The following IFNK variants were observed in gnomAD, a reference collection of about 807,000 sequenced individuals.
IFNK encodes interferon kappa.
In IFNK, 13 loss-of-function variants were observed where a neutral mutation model predicts 12.0. That is an observed-to-expected ratio of 1.08 (90% CI 0.70 to 1.72). The LOEUF is 1.72. IFNK is among the 40% of genes most tolerant of loss of function. IFNK has a pLI of 0.00. For synonymous variants in IFNK, 94 were observed against 82.3 expected (o/e 1.14, Z -0.77); for missense variants, 248 against 237.0 (o/e 1.05, Z -0.30).
In IFNK at chr9:27,524,932, A is replaced by C; in HGVS notation, c.596A>C (p.Lys199Thr). 6.2e-7 allele frequency: 1 copy of C among 1,605,366 alleles called. No homozygotes were observed. Among genetic ancestry groups the C allele is most frequent in the Non-Finnish European group, 8.5e-7 (1 of 1,177,496 alleles). The change falls in exon 1 of 2, where the codon AAA becomes ACA. Residue 199 changes from lysine to threonine, a missense_variant. Lys to Thr is a moderately conservative substitution (Grantham distance 78). Transcript: ENST00000276943. ...EIRRCLYYFYKFTALFRRK is the reference protein window; with the variant it reads ...EIRRCLYYFYTFTALFRRK ...AGAAGATGTTTGTATTACTTTTACA[A>C]ATTTACAGCTCTATTCAGGAGGAAA... is the stretch of plus-strand genomic sequence containing the variant.
intron 1 of IFNK, among the ~76,000 whole-genome samples, chr9:27,525,784 C>A (rs1235224512): frequency 6.6e-6 from 1 of 152,212 alleles, no homozygotes; most frequent in Non-Finnish European, 1.5e-5. Flanking sequence ...AACAATTTTA[C>A]ATTAGATTTT....
At position 27,524,642 on chromosome 9, in the gene IFNK, C is replaced by T. The variant is rs771431198; in HGVS notation, c.306C>T (p.Thr102=). ...LQAFNIFSQH[T]FKYWKERHLK... The stretch of plus-strand genomic sequence containing the variant: ...CCTTCAACATCTTCAGCCAACACAC[C>T]TTCAAATATTGGAAAGAGAGACACC... The change falls in exon 1 of 2, where the codon ACC becomes ACT. Residue 102 remains threonine, a synonymous_variant. Coordinates refer to ENST00000276943, the MANE Select transcript of IFNK (RefSeq NM_020124.3). 3 of 1,614,050 alleles carry T rather than the reference C, an allele frequency of 1.9e-6. No individual in the cohort carries two copies. The highest frequency in any genetic ancestry group is 2.5e-6 in the Non-Finnish European group (3 of 1,179,968).
chr9:27,524,965 T>C lies in IFNK; in HGVS notation c.*1+4T>C, dbSNP rs1288078660. 1.3e-6 allele frequency: 2 copies of C among 1,558,740 alleles called. No homozygotes were observed. Among genetic ancestry groups the C allele is most frequent in the Non-Finnish European group, 1.7e-6 (2 of 1,158,672 alleles). ...GCTCTATTCAGGAGGAAATAAGGTATATTTTTGGAATTAAAATTCCTTTTC... is the reference window on the plus strand; with the variant it reads ...GCTCTATTCAGGAGGAAATAAGGTACATTTTTGGAATTAAAATTCCTTTTC... On this transcript the variant is annotated splice_donor_region_variant and intron_variant, in intron 1 of 1. Transcript: ENST00000276943.
At position 27,524,755 on chromosome 9, in the gene IFNK, A is replaced by AAGAAATG; in HGVS notation, c.421_427dup (p.Lys143ArgfsTer6). 1.9e-6 allele frequency: 3 copies of AAGAAATG among 1,613,902 alleles called. No individual in the cohort carries two copies. The highest frequency in any genetic ancestry group is 2.5e-6 in the Non-Finnish European group (3 of 1,179,872). On this transcript the variant is annotated frameshift_variant, in exon 1 of 2. Transcript: ENST00000276943. LOFTEE classifies it low-confidence loss of function (END_TRUNC). Reference sequence around the variant, plus strand: ...GACAAGAATGAAAATGAAGACATGAAAGAAATGAAAGAGAATGAGATGAAA... The same window carrying AAGAAATG: ...GACAAGAATGAAAATGAAGACATGAAAGAAATGAGAAATGAAAGAGAATGAGATGAAA...
Position 27,524,292 on chromosome 9 carries a change from C to CATTGTCAT in IFNK, c.-42_-35dup. 1 of 1,555,766 alleles carries CATTGTCAT rather than the reference C, an allele frequency of 6.4e-7. No homozygotes were observed. The highest frequency in any genetic ancestry group is 8.7e-7 in the Non-Finnish European group (1 of 1,150,640). ...GCACATGAAGGAAAACTCAAAACAT[C>CATTGTCAT]ATTGTCATATACACATCTTCTGGAT... is the stretch of plus-strand genomic sequence containing the variant. On this transcript the variant is annotated 5_prime_UTR_variant, in exon 1 of 2. Coordinates refer to ENST00000276943, the MANE Select transcript of IFNK (RefSeq NM_020124.3).
chr9:27,524,827 G>C lies in IFNK; in HGVS notation c.491G>C (p.Arg164Thr), dbSNP rs1360426811. 1 of 1,613,988 alleles carries C rather than the reference G, an allele frequency of 6.2e-7. No individual in the cohort carries two copies. Among genetic ancestry groups the C allele is most frequent in the African/African-American group, 1.3e-5 (1 of 74,914 alleles). Residue 164 changes from arginine (R) to threonine (T), a missense_variant, in exon 1 of 2, where the codon AGA becomes ACA. Arg to Thr is a moderately conservative substitution (Grantham distance 71). Transcript: ENST00000276943. The stretch of plus-strand genomic sequence containing the variant: ...CAGCTGAGCAGCCTGGAACTGAGGA[G>C]ATATTTCCACAGGATAGACAATTTC... ...VPQLSSLELR[R>T]YFHRIDNFLK...
rs1193078002 is a variant in IFNK at position 27,524,949 on chromosome 9, AGGAGG to A, written c.614_618del (p.Arg205LysfsTer108). ...CTTTTACAAATTTACAGCTCTATTC[AGGAGG>A]AAATAAGGTATATTTTTGGAATTAA... On this transcript the variant is annotated frameshift_variant, in exon 1 of 2. Transcript: ENST00000276943. LOFTEE classifies it low-confidence loss of function (END_TRUNC). 1.9e-6 allele frequency: 3 copies of A among 1,584,748 alleles called. No individual in the cohort carries two copies. The highest frequency in any genetic ancestry group is 2.7e-5 in the African/African-American group (2 of 73,176).
intron 1 of IFNK, among the ~76,000 whole-genome samples, chr9:27,525,787 T>C (rs1820427210): frequency 6.6e-6 from 1 of 152,220 alleles, no homozygotes; most frequent in South Asian, 2.1e-4. Context: ...AATTTTACAT[T>C]AGATTTTCCT....
At chr9:27,525,592 T>C (rs1820424542) in intron 1 of IFNK, among the ~76,000 whole-genome samples, 1 of 152,220 alleles carries the variant, frequency 6.6e-6, no homozygotes, top group African/African-American at 2.4e-5. Flanking sequence ...AGACGACCAT[T>C]AAGCTTTCAT....
rs771392619 is a variant in IFNK at position 27,524,906 on chromosome 9, CAGA to C, written c.574_576del (p.Arg192del). 31 of 1,611,146 alleles carry C rather than the reference CAGA, an allele frequency of 1.9e-5. No homozygotes were observed. The East Asian group carries it at 4.0e-4, about 21-fold the overall frequency. On this transcript the variant is annotated inframe_deletion, in exon 1 of 2. Transcript: ENST00000276943. ...CCTGGGAGATTGTCCGAGTGGAAATCAGAAGATGTTTGTATTACTTTTACAAAT... is the reference window on the plus strand; with the variant it reads ...CCTGGGAGATTGTCCGAGTGGAAATCAGATGTTTGTATTACTTTTACAAAT...
chr9:27,525,760 G>C (rs1199548555), intron 1 of IFNK, among the ~76,000 whole-genome samples: 1 of 152,144 alleles, frequency 6.6e-6, no homozygotes, highest in African/African-American at 2.4e-5. Context: ...AAAATGTCCA[G>C]AGTCATAATA....
chr9:27,524,639 C>A lies in IFNK; in HGVS notation c.303C>A (p.His101Gln), dbSNP rs1250405492. 1.9e-6 allele frequency: 3 copies of A among 1,613,952 alleles called. No individual in the cohort carries two copies. The African/African-American group carries it at 4.0e-5, about 22-fold the overall frequency. The change falls in exon 1 of 2, where the codon CAC becomes CAA. Residue 101 changes from histidine to glutamine, a missense_variant. Coordinates refer to ENST00000276943, the MANE Select transcript of IFNK (RefSeq NM_020124.3). ...SLQAFNIFSQ[H>Q]TFKYWKERHL... Reference sequence around the variant, plus strand: ...AGGCCTTCAACATCTTCAGCCAACACACCTTCAAATATTGGAAAGAGAGAC... The same window carrying A: ...AGGCCTTCAACATCTTCAGCCAACAAACCTTCAAATATTGGAAAGAGAGAC...
chr9:27,525,390 A>G (rs1820421368), intron 1 of IFNK, among the ~76,000 whole-genome samples: 1 of 152,300 alleles, frequency 6.6e-6, no homozygotes, highest in East Asian at 1.9e-4. Context: ...AATTCAGCAC[A>G]TTAAAAGAGC....
At chr9:27,525,074 A>G in intron 1 of IFNK, 113 bp downstream of exon 1, 1 of 898,104 alleles carries the variant, frequency 1.1e-6, no homozygotes, top group Non-Finnish European at 1.6e-6. Flanking sequence ...CCTCAGTTGG[A>G]CTGGTAGCCT....
Position 27,524,579 on chromosome 9 carries a change from G to T in IFNK, c.243G>T (p.Arg81Ser), listed in dbSNP as rs765892377. Residue 81 changes from arginine to serine, a missense_variant, in exon 1 of 2, where the codon AGG becomes AGT. Coordinates refer to ENST00000276943, the MANE Select transcript of IFNK (RefSeq NM_020124.3). ...TGCAATACACCCAACCTATGAAGAG[G>T]GACATCAAGAAGGCCTTCTATGAAA... is the stretch of plus-strand genomic sequence containing the variant. ...EFLQYTQPMK[R>S]DIKKAFYEMS... 31 of 1,614,024 alleles carry T rather than the reference G, an allele frequency of 1.9e-5. No individual in the cohort carries two copies. Among genetic ancestry groups the T allele is most frequent in the Non-Finnish European group, 2.6e-5 (31 of 1,179,986 alleles).
chr9:27,524,658 G>A lies in IFNK; in HGVS notation c.322G>A (p.Glu108Lys). ...FSQHTFKYWK[E>K]RHLKQIQIGL... ...CCAACACACCTTCAAATATTGGAAAGAGAGACACCTCAAACAAATCCAAAT... is the reference window on the plus strand; with the variant it reads ...CCAACACACCTTCAAATATTGGAAAAAGAGACACCTCAAACAAATCCAAAT... The change falls in exon 1 of 2, where the codon GAG becomes AAG. Residue 108 changes from glutamate (E) to lysine (K), a missense_variant. Physicochemically the swap from Glu to Lys is moderately conservative, Grantham distance 56. Coordinates refer to ENST00000276943, the MANE Select transcript of IFNK (RefSeq NM_020124.3). The A allele has an allele frequency of 6.2e-7, 1 of 1,614,088 alleles. No individual in the cohort carries two copies. Among genetic ancestry groups the A allele is most frequent in the Non-Finnish European group, 8.5e-7 (1 of 1,179,994 alleles).
chr9:27,525,086 G>A (rs1587280235), intron 1 of IFNK, 125 bp downstream of exon 1: 8 of 749,250 alleles, frequency 1.1e-5, no homozygotes, highest in South Asian at 3.9e-5. Context: ...TGGTAGCCTC[G>A]GAACATCAGG....
Position 27,524,942 on chromosome 9 carries a change from T to A in IFNK, c.606T>A (p.Ala202=). The A allele has an allele frequency of 6.3e-7, 1 of 1,597,452 alleles. No individual in the cohort carries two copies. The highest frequency in any genetic ancestry group is 8.5e-7 in the Non-Finnish European group (1 of 1,174,814). ...TGTATTACTTTTACAAATTTACAGC[T>A]CTATTCAGGAGGAAATAAGGTATAT... ...RCLYYFYKFT[A]LFRRK Residue 202 remains alanine (A), a synonymous_variant, in exon 1 of 2, where the codon GCT becomes GCA. Transcript: ENST00000276943.
Position 27,524,842 on chromosome 9 carries a change from T to C in IFNK, c.506T>C (p.Ile169Thr), listed in dbSNP as rs1587279914. 1 of 1,614,064 alleles carries C rather than the reference T, an allele frequency of 6.2e-7. No homozygotes were observed. The highest frequency in any genetic ancestry group is 2.2e-5 in the East Asian group (1 of 44,880). Residue 169 changes from isoleucine (I) to threonine (T), a missense_variant, in exon 1 of 2, where the codon ATA becomes ACA. Transcript: ENST00000276943. ...SLELRRYFHR[I>T]DNFLKEKKYS... ...GAACTGAGGAGATATTTCCACAGGA[T>C]AGACAATTTCCTGAAAGAAAAGAAA...
Sources: allele counts gnomAD v4.1 joint callset (sites outside exome capture counted in the v4.1 genomes callset), GRCh38; gene constraint gnomAD v4.1.1; transcripts MANE v1.5; gene names NCBI Gene and HGNC (gene_info 2026-07-23, HGNC 2026-07-21).